Variants in RBFOX1 observed in about 807,000 individuals in gnomAD.
RBFOX1 encodes the protein RNA binding protein fox-1 homolog 1.
A neutral mutation model predicts 57.7 loss-of-function variants in RBFOX1; 8 were observed. The ratio of observed to expected loss-of-function variants is 0.14; its 90% CI spans 0.08 to 0.25. The LOEUF (loss-of-function observed/expected upper bound fraction) is 0.25. RBFOX1 is among the 10% of genes least tolerant of loss of function. The probability of loss-of-function intolerance (pLI) is 1.00; values close to 1 mark genes in which losing one functional copy is unlikely to be tolerated. For synonymous variants in RBFOX1, 326 were observed against 222.4 expected, an observed-to-expected ratio of 1.47 and a Z score of -4.15; for missense variants, 611 against 548.5, an observed-to-expected ratio of 1.11 and a Z score of -1.14.
At chr16:6,740,928 A>G (rs906151299) in intron 3 of RBFOX1, among the ~76,000 whole-genome samples, 1 of 152,210 alleles carries the variant, frequency 6.6e-6, no homozygotes, top group Non-Finnish European at 1.5e-5. Context: ...ATTTTGAAAA[A>G]TAAGAATCAG....
intron 4 of RBFOX1, among the ~76,000 whole-genome samples, chr16:7,194,353 A>G (rs2086164832): frequency 6.6e-6 from 1 of 152,214 alleles, no homozygotes; most frequent in Non-Finnish European, 1.5e-5. Context: ...GTTGCCTTTT[A>G]AAAATAATGC....
intron 3 of RBFOX1, 120 bp downstream of exon 3, chr16:6,654,770 C>T (rs2098634462): frequency 3.0e-6 from 2 of 670,330 alleles, no homozygotes; most frequent in Admixed American, 3.9e-5. Flanking sequence ...CGGTCTATGA[C>T]ATATTTAAAG....
intron 4 of RBFOX1, among the ~76,000 whole-genome samples, chr16:7,101,426 G>A (rs2151367697): frequency 6.6e-6 from 1 of 152,276 alleles, no homozygotes; most frequent in South Asian, 2.1e-4. Context: ...TGGTAATAGT[G>A]GTTACATAAT....
At chr16:5,896,648 A>T (rs1188787778) in intron 4 of RBFOX1, among the ~76,000 whole-genome samples, 1 of 152,276 alleles carries the variant, frequency 6.6e-6, no homozygotes, top group East Asian at 1.9e-4. Flanking sequence ...TGTTATATCA[A>T]CATAGAATGG....
At chr16:5,249,949 A>ACAGTGAGGAGCAGGTTG (rs1567234310) in intron 1 of RBFOX1, among the ~76,000 whole-genome samples, 5 of 139,050 alleles carry the variant, frequency 3.6e-5, no homozygotes, top group East Asian at 2.0e-4. Flanking sequence ...GGAGGAGGTT[A>ACAGTGAGGAGCAGGTTG]CAGTGAGGAG....
At chr16:6,339,355 C>T (rs2084202622) in intron 2 of RBFOX1, among the ~76,000 whole-genome samples, 1 of 152,124 alleles carries the variant, frequency 6.6e-6, no homozygotes, top group African/African-American at 2.4e-5. Context: ...TGCAGCAAGT[C>T]AATAGGAGAC....
intron 4 of RBFOX1, among the ~76,000 whole-genome samples, chr16:7,248,480 C>T (rs758559446): frequency 1.1e-4 from 16 of 152,156 alleles, no homozygotes; most frequent in South Asian, 4.1e-4. Flanking sequence ...GAGACTTTCA[C>T]GCTTACACTT....
At chr16:5,903,526 G>T (rs367702778) in intron 4 of RBFOX1, among the ~76,000 whole-genome samples, 2 of 152,156 alleles carry the variant, frequency 1.3e-5, no homozygotes, top group African/African-American at 4.8e-5. Flanking sequence ...AGAAGGAAGA[G>T]GATGATAAGT....
rs115946165 is a variant in RBFOX1, at chr16:5,999,538, C to G, written c.351+132203C>G. Among the ~76,000 whole-genome samples the G allele has an allele frequency of 3.9e-3, 591 of 152,226 alleles. 7 individuals are homozygous for G. Among genetic ancestry groups the G allele is most frequent in the African/African-American group, 0.014 (574 of 41,516 alleles). On this transcript the variant is annotated intron_variant, in intron 4 of 19. Transcript: ENST00000641259. ...ATAAAGAGGTGTAACGCCAGGGCAG[C>G]AAGAGTGAAGGAAGAAGGGTTGGCC...
Position 5,708,724 on chromosome 16 carries a change from G to T in RBFOX1, c.318+109763G>T, listed in dbSNP as rs891542287. On this transcript the variant is annotated intron_variant, in intron 3 of 19. Transcript: ENST00000641259. ...CCAGTGGTATATCTGGCACCGGCTT[G>T]GGCAATAAAAATCCATCTTGGGGAT... Among the ~76,000 whole-genome samples, 205 of 152,216 alleles carry T rather than the reference G, an allele frequency of 1.3e-3. 1 individual carries two copies. Among genetic ancestry groups the T allele is most frequent in the African/African-American group, 4.9e-3 (202 of 41,528 alleles).
chr16:5,314,034 A>G (rs985493984), intron 1 of RBFOX1, among the ~76,000 whole-genome samples: 3 of 152,332 alleles, frequency 2.0e-5, no homozygotes, highest in South Asian at 4.2e-4. Context: ...ATAGTAATAA[A>G]TAATAATAAT....
chr16:5,792,236 G>T (rs566470918), intron 3 of RBFOX1, among the ~76,000 whole-genome samples: 2 of 152,276 alleles, frequency 1.3e-5, no homozygotes, highest in East Asian at 1.9e-4. Context: ...CTCTGTAAAT[G>T]GTCAGTTCTG....
chr16:7,671,629 A>G (rs1417171782), intron 13 of RBFOX1: 3 of 1,583,458 alleles, frequency 1.9e-6, no homozygotes, highest in Non-Finnish European at 2.6e-6. Context: ...GGAGAAACTC[A>G]TCACTATGAT....
At chr16:5,750,967 A>G (rs2151619028) in intron 3 of RBFOX1, among the ~76,000 whole-genome samples, 1 of 152,292 alleles carries the variant, frequency 6.6e-6, no homozygotes, top group East Asian at 1.9e-4. Context: ...TGGGAGCTGT[A>G]GACTGGAGCT....
At chr16:7,167,918 G>C (rs181655399) in intron 4 of RBFOX1, among the ~76,000 whole-genome samples, 199 of 152,272 alleles carry the variant, frequency 1.3e-3, no homozygotes, top group Admixed American at 2.3e-3. Flanking sequence ...TTATGTGCTT[G>C]TCTGGGGATG....
At chr16:5,994,726 C>G (rs55667190) in intron 4 of RBFOX1, among the ~76,000 whole-genome samples, 1 of 152,082 alleles carries the variant, frequency 6.6e-6, no homozygotes, top group Non-Finnish European at 1.5e-5. Context: ...TCAGGTGGCA[C>G]GCTGGATTTG....
At position 6,914,269 on chromosome 16, in the gene RBFOX1, A is replaced by C. The variant is rs115364133; in HGVS notation, c.-15-137788A>C. Among the ~76,000 whole-genome samples the C allele has an allele frequency of 6.2e-3, 947 of 152,318 alleles. 9 individuals are homozygous for C. Among genetic ancestry groups the C allele is most frequent in the African/African-American group, 0.021 (893 of 41,570 alleles). On this transcript the variant is annotated intron_variant, in intron 3 of 15. Coordinates refer to ENST00000550418, the MANE Select transcript of RBFOX1 (RefSeq NM_018723.4). ...GTGTATTGCAGTACGAAAGCAAAAG[A>C]AAATAATCATTATAATTATAATTTC...
At chr16:6,250,402 T>A (rs961990440) in intron 1 of RBFOX1, among the ~76,000 whole-genome samples, 2 of 152,162 alleles carry the variant, frequency 1.3e-5, no homozygotes, top group Non-Finnish European at 2.9e-5. Context: ...ATTGCAATGT[T>A]TGTGATGCGG....
At chr16:7,275,155 G>A (rs1295773988) in intron 4 of RBFOX1, among the ~76,000 whole-genome samples, 2 of 152,144 alleles carry the variant, frequency 1.3e-5, no homozygotes, top group African/African-American at 2.4e-5. Context: ...GAGGGAAAGA[G>A]AGAAAGAAGG....
Sources: gnomAD v4.1 joint callset for allele counts (sites outside exome capture counted in the v4.1 genomes callset) on GRCh38, gnomAD v4.1.1 for gene constraint, MANE v1.5 for transcripts, NCBI Gene and HGNC (gene_info 2026-07-23, HGNC 2026-07-21) for gene names.